FAM135A: variants seen among roughly 807,000 people sequenced by gnomAD.
The protein encoded by FAM135A is family with sequence similarity 135 member A.
FAM135A carries 79 observed loss-of-function variants against 146.8 expected under a neutral mutation model. The ratio of observed to expected loss-of-function variants is 0.54; its 90% CI spans 0.45 to 0.65. The LOEUF is 0.65. Among genes scored for constraint, FAM135A ranks in the 30% least tolerant of loss-of-function variants. FAM135A has a pLI of 0.00. For synonymous variants in FAM135A, 562 were observed against 603.6 expected, an observed-to-expected ratio of 0.93 and a Z score of 1.01; for missense variants, 1,623 against 1,758.2, an observed-to-expected ratio of 0.92 and a Z score of 1.38.
At chr6:70,542,977 A>G (rs1798213315) in intron 20 of FAM135A, among the ~76,000 whole-genome samples, 2 of 152,114 alleles carry the variant, frequency 1.3e-5, no homozygotes, top group Non-Finnish European at 2.9e-5. Flanking sequence ...AGTTTATCTC[A>G]TGTCAGTTAT....
chr6:70,507,511 G>A (rs554905634), intron 12 of FAM135A, among the ~76,000 whole-genome samples: 6 of 152,270 alleles, frequency 3.9e-5, no homozygotes, highest in African/African-American at 1.4e-4. Context: ...CTCCTTATTG[G>A]TGTGAAAGCA....
At chr6:70,517,105 G>A (rs1291551693) in intron 12 of FAM135A, among the ~76,000 whole-genome samples, 1 of 152,154 alleles carries the variant, frequency 6.6e-6, no homozygotes, top group Non-Finnish European at 1.5e-5. Context: ...CTTATTTATA[G>A]TATATAATTT....
At chr6:70,435,164 C>T (rs1173456173) in intron 4 of FAM135A, among the ~76,000 whole-genome samples, 4 of 142,522 alleles carry the variant, frequency 2.8e-5, no homozygotes, top group Admixed American at 1.5e-4. Flanking sequence ...AGGGCAGTGG[C>T]GTGATCTTGG....
At chr6:70,433,390 A>T (rs563502397) in intron 4 of FAM135A, among the ~76,000 whole-genome samples, 1 of 152,262 alleles carries the variant, frequency 6.6e-6, no homozygotes, top group South Asian at 2.1e-4. Context: ...ATACTTTTTA[A>T]CATGAAAGGA....
At chr6:70,548,838 T>A (rs1799305759) in intron 20 of FAM135A, among the ~76,000 whole-genome samples, 1 of 151,980 alleles carries the variant, frequency 6.6e-6, no homozygotes, top group Non-Finnish European at 1.5e-5. Context: ...AGTGGTATAA[T>A]GTGTACTGCT....
At chr6:70,439,910 G>A (rs1774075569) in intron 4 of FAM135A, among the ~76,000 whole-genome samples, 2 of 152,102 alleles carry the variant, frequency 1.3e-5, no homozygotes, top group African/African-American at 4.8e-5. Flanking sequence ...TGTTTTTTCA[G>A]TATGTATCTC....
intron 4 of FAM135A, among the ~76,000 whole-genome samples, chr6:70,438,449 G>A (rs1773715117): frequency 6.6e-6 from 1 of 152,162 alleles, no homozygotes; most frequent in Non-Finnish European, 1.5e-5. Context: ...AATCGTGCAC[G>A]TCCCTCTTCG....
chr6:70,526,600 T>G lies in FAM135A; in HGVS notation c.3516T>G (p.Ser1172Arg). The G allele has an allele frequency of 6.2e-7, 1 of 1,613,518 alleles. No individual in the cohort carries two copies. Among genetic ancestry groups the G allele is most frequent in the Non-Finnish European group, 8.5e-7 (1 of 1,179,678 alleles). The change falls in exon 15 of 22, where the codon AGT becomes AGG. Residue 1172 changes from serine (S) to arginine (R), a missense_variant. Around this residue, in one of 7 missense-constraint regions of FAM135A, gnomAD observed 1,061 missense variants for 1,113.8 expected, o/e 0.95. Transcript: ENST00000418814. ...SPCNVKYSSKSKFDAITKQPS... is the reference protein window; with the variant it reads ...SPCNVKYSSKRKFDAITKQPS... Reference sequence around the variant, plus strand: ...GTAATGTTAAATATTCTTCCAAAAGTAAATTTGATGCCATTACAAAGCAGC... The same window carrying G: ...GTAATGTTAAATATTCTTCCAAAAGGAAATTTGATGCCATTACAAAGCAGC...
At chr6:70,530,830 G>A (rs764571998) in intron 16 of FAM135A, among the ~76,000 whole-genome samples, 12 of 152,144 alleles carry the variant, frequency 7.9e-5, no homozygotes, top group Non-Finnish European at 1.3e-4. Flanking sequence ...ATTTCTCAGT[G>A]CAAACTCTGT....
intron 18 of FAM135A, 110 bp downstream of exon 18, chr6:70,533,964 C>A: frequency 2.2e-6 from 1 of 459,056 alleles, no homozygotes; most frequent in Non-Finnish European, 3.6e-6. Flanking sequence ...GAGACTACAA[C>A]TCAAATTAAT....
rs1243868147 is a variant in FAM135A, at chr6:70,525,825, AT to A, written c.2743del (p.Ser915GlnfsTer20). Reference sequence around the variant, plus strand: ...GAAACTGTAGCAATACATTCCTTAAATTCAAGCATTAAAGACCCTTTACAAT... The same window carrying A: ...GAAACTGTAGCAATACATTCCTTAAATCAAGCATTAAAGACCCTTTACAAT... ...DNETVAIHSL[N>X]SSIKDPLQFV... On this transcript the variant is annotated frameshift_variant, in exon 15 of 22. Transcript: ENST00000418814. LOFTEE classifies it high-confidence loss of function. The A allele has an allele frequency of 2.5e-6, 4 of 1,612,598 alleles. No individual in the cohort carries two copies.
At chr6:70,447,587 G>A (rs916339037) in intron 4 of FAM135A, among the ~76,000 whole-genome samples, 13 of 152,194 alleles carry the variant, frequency 8.5e-5, no homozygotes, top group Non-Finnish European at 8.8e-5. Flanking sequence ...CTGTGGCGGG[G>A]GACAGACATT....
At chr6:70,485,739 C>T (rs2747703) in intron 10 of FAM135A, among the ~76,000 whole-genome samples, 76,362 of 151,992 alleles carry the variant, frequency 0.5, 23,193 homozygotes, top group African/African-American at 0.86. Flanking sequence ...TCTTTTCTCC[C>T]AGATGAATGA....
intron 11 of FAM135A, 93 bp downstream of exon 11, chr6:70,491,176 T>A (rs1172867136): frequency 2.0e-6 from 2 of 1,023,002 alleles, no homozygotes; most frequent in South Asian, 1.5e-5. Flanking sequence ...TTAAAGTATT[T>A]ATAGTTCCTA....
intron 4 of FAM135A, among the ~76,000 whole-genome samples, chr6:70,451,909 AATC>A (rs1777179820): frequency 6.6e-6 from 1 of 152,016 alleles, no homozygotes; most frequent in Admixed American, 6.6e-5. Flanking sequence ...TTTACCTCAT[AATC>A]ATCTTTTTCT....
At chr6:70,428,525 C>A in intron 4 of FAM135A, 106 bp downstream of exon 4, 2 of 626,376 alleles carry the variant, frequency 3.2e-6, no homozygotes, top group Non-Finnish European at 5.0e-6. Context: ...AAACAATGAA[C>A]TATATTCAAG....
chr6:70,546,561 T>G (rs1025307140), intron 20 of FAM135A, among the ~76,000 whole-genome samples: 1 of 152,224 alleles, frequency 6.6e-6, no homozygotes, highest in Non-Finnish European at 1.5e-5. Context: ...TGAAGAAAGC[T>G]TTTTAAAAGC....
chr6:70,441,918 C>T (rs1243922869), intron 4 of FAM135A, among the ~76,000 whole-genome samples: 1 of 151,952 alleles, frequency 6.6e-6, no homozygotes, highest in Non-Finnish European at 1.5e-5. Context: ...CTCCTGACCT[C>T]GTGATCCACC....
At chr6:70,479,254 TTAAA>T (rs2128172437) in intron 8 of FAM135A, among the ~76,000 whole-genome samples, 1 of 152,264 alleles carries the variant, frequency 6.6e-6, no homozygotes, top group South Asian at 2.1e-4. Context: ...TCGTAGTGAG[TTAAA>T]TACGTGCTTC....
Sources: allele counts gnomAD v4.1 joint callset (sites outside exome capture counted in the v4.1 genomes callset), GRCh38; gene constraint gnomAD v4.1.1; regional missense constraint gnomAD v4.1.1; transcripts MANE v1.5; gene names NCBI Gene and HGNC (gene_info 2026-07-23, HGNC 2026-07-21).